Variants in ATP10A observed in about 807,000 individuals in gnomAD.
ATP10A encodes the protein phospholipid-transporting ATPase VA.
A neutral mutation model predicts 147.8 loss-of-function variants in ATP10A; 111 were observed. The observed-to-expected ratio is 0.75, with a 90% CI of 0.64 to 0.88. ATP10A has a LOEUF of 0.88. Ranked by LOEUF, ATP10A falls within the 40% of genes least tolerant of loss-of-function variation. ATP10A has a pLI of 0.00. For missense variants in ATP10A, 1,927 were observed against 1,959.0 expected (o/e 0.98, Z 0.31); for synonymous variants, 875 against 841.6 (o/e 1.04, Z -0.69).
intron 2 of ATP10A, among the ~76,000 whole-genome samples, chr15:25,765,641 C>G (rs1031393170): frequency 1.3e-5 from 2 of 152,232 alleles, no homozygotes; most frequent in Admixed American, 6.5e-5. Context: ...GGGCTGGAAG[C>G]TCCCAGCCCT....
In ATP10A at chr15:25,862,937, C is replaced by A; in HGVS notation, c.160G>T (p.Gly54Trp). ...AAKGERRRRR[G>W]CAQHLADNRL... ...TTGTCGGCCAGGTGCTGGGCACACC[C>A]GCGCCGCCGTCGCCGCTCGCCCTTG... Residue 54 changes from glycine to tryptophan, a missense_variant, in exon 1 of 21, where the codon GGG becomes TGG. Transcript: ENST00000555815. The A allele has an allele frequency of 6.3e-7, 1 of 1,580,648 alleles. No homozygotes were observed.
At chr15:25,816,885 A>G (rs1046890681) in intron 1 of ATP10A, among the ~76,000 whole-genome samples, 3 of 152,176 alleles carry the variant, frequency 2.0e-5, no homozygotes, top group Non-Finnish European at 4.4e-5. Flanking sequence ...TAAAAATCCA[A>G]TTGTAAAACA....
intron 10 of ATP10A, among the ~76,000 whole-genome samples, chr15:25,712,186 G>A (rs1901469142): frequency 6.6e-6 from 1 of 152,242 alleles, no homozygotes; most frequent in African/African-American, 2.4e-5. Context: ...GGGGGGGACG[G>A]GGTGGAGTGT....
chr15:25,825,466 T>A (rs1056096500), intron 1 of ATP10A, among the ~76,000 whole-genome samples: 4 of 152,074 alleles, frequency 2.6e-5, no homozygotes, highest in Non-Finnish European at 4.4e-5. Context: ...TTGGCAGACA[T>A]GAGGTTCTGC....
intron 14 of ATP10A, among the ~76,000 whole-genome samples, chr15:25,693,391 C>A (rs1012783133): frequency 6.6e-5 from 10 of 152,174 alleles, no homozygotes; most frequent in African/African-American, 2.4e-4. Context: ...GTTTCCTTTT[C>A]TTTTTAATCT....
intron 2 of ATP10A, among the ~76,000 whole-genome samples, chr15:25,769,248 A>G (rs971946855): frequency 6.6e-6 from 1 of 152,054 alleles, no homozygotes; most frequent in African/African-American, 2.4e-5. Context: ...GCACTTTGGG[A>G]GGCTGAGGCG....
At chr15:25,791,577 G>T (rs1295356741) in intron 1 of ATP10A, among the ~76,000 whole-genome samples, 1 of 151,808 alleles carries the variant, frequency 6.6e-6, no homozygotes, top group Non-Finnish European at 1.5e-5. Flanking sequence ...TGTAGAGACG[G>T]AGTCTTGCTA....
At chr15:25,735,919 G>C (rs1887239546) in intron 3 of ATP10A, 137 bp downstream of exon 3, 1 of 780,288 alleles carries the variant, frequency 1.3e-6, no homozygotes, top group Non-Finnish European at 2.2e-6. Context: ...AGGCTCAGGT[G>C]CTGGGCCACA....
rs535912026 is a variant in ATP10A at position 25,779,930 on chromosome 15, TCAGGCAGACGCCTGCCG to T, written c.654+1072_654+1088del. Among the ~76,000 whole-genome samples, 31 of 148,982 alleles carry T rather than the reference TCAGGCAGACGCCTGCCG, an allele frequency of 2.1e-4. No individual in the cohort carries two copies. The East Asian group carries it at 6.2e-3, about 30-fold the overall frequency. ...GCGGAAATCAGCCCGGTTGGAACAG[TCAGGCAGACGCCTGCCG>T]CAGGCAGGCCGGGCGGGCGAGGTGC... On this transcript the variant is annotated intron_variant, in intron 2 of 20. Transcript: ENST00000555815.
At position 25,716,907 on chromosome 15, in the gene ATP10A, G is replaced by T. The variant is rs116705123; in HGVS notation, c.1599C>A (p.Pro533=). Residue 533 remains proline (P), a synonymous_variant, in exon 9 of 21, where the codon CCC becomes CCA. Transcript: ENST00000555815. The part of the protein sequence containing the change: ...FSSPMEKDIT[P]DPKLLEKVSE... Reference sequence around the variant, plus strand: ...TCACCTTCTCCAGCAGCTTTGGGTCGGGCGTGATATCCTTCTCCTGGGAGA... The same window carrying T: ...TCACCTTCTCCAGCAGCTTTGGGTCTGGCGTGATATCCTTCTCCTGGGAGA... 5 of 1,584,624 alleles carry T rather than the reference G, an allele frequency of 3.2e-6. No individual in the cohort carries two copies. Among genetic ancestry groups the T allele is most frequent in the Non-Finnish European group, 8.6e-7 (1 of 1,163,242 alleles).
At chr15:25,772,540 C>T (rs1046380427) in intron 2 of ATP10A, among the ~76,000 whole-genome samples, 1 of 152,148 alleles carries the variant, frequency 6.6e-6, no homozygotes. Flanking sequence ...TGATAAAGGC[C>T]GGATGAGCAA....
chr15:25,810,149 G>A (rs1417268663), intron 1 of ATP10A, among the ~76,000 whole-genome samples: 7 of 152,192 alleles, frequency 4.6e-5, no homozygotes, highest in African/African-American at 1.7e-4. Context: ...CAGTGGGGAC[G>A]TGTTGGGGAG....
chr15:25,738,207 T>C (rs569932095), intron 2 of ATP10A, among the ~76,000 whole-genome samples: 1 of 152,324 alleles, frequency 6.6e-6, no homozygotes, highest in Non-Finnish European at 1.5e-5. Context: ...TACCCCTGAC[T>C]CATTCCAAAC....
intron 2 of ATP10A, among the ~76,000 whole-genome samples, chr15:25,775,056 C>T (rs1314211577): frequency 6.6e-6 from 1 of 152,200 alleles, no homozygotes; most frequent in African/African-American, 2.4e-5. Flanking sequence ...CATACCCAGG[C>T]AGCTGTCTTT....
intron 13 of ATP10A, among the ~76,000 whole-genome samples, chr15:25,700,756 T>G (rs1263439995): frequency 6.6e-6 from 1 of 152,120 alleles, no homozygotes; most frequent in Non-Finnish European, 1.5e-5. Flanking sequence ...GATAGGGTGG[T>G]GTATATACAT....
At chr15:25,786,742 C>T (rs1176583379) in intron 1 of ATP10A, among the ~76,000 whole-genome samples, 1 of 149,718 alleles carries the variant, frequency 6.7e-6, no homozygotes, top group Non-Finnish European at 1.5e-5. Context: ...TCTCCTGCCT[C>T]AGCCTTCCGA....
intron 1 of ATP10A, among the ~76,000 whole-genome samples, chr15:25,789,610 AT>A (rs1481573443): frequency 1.7e-5 from 2 of 120,756 alleles, no homozygotes; most frequent in African/African-American, 6.8e-5. Context: ...CAGAGAGAAA[AT>A]AATTTTACAT....
rs776112786 is a variant in ATP10A, at chr15:25,708,052, G to C, written c.2499C>G (p.Ala833=). ...CCTCGCTGTTTTCCAGGGAGGATTC[G>C]GCTTCTAGGTGGCTTTGCAACCAGC... The part of the protein sequence containing the change: ...YACWLQSHLE[A]ESSLENSEEL... Residue 833 remains alanine, a synonymous_variant, in exon 12 of 21, where the codon GCC becomes GCG. Coordinates refer to ENST00000555815, the MANE Select transcript of ATP10A (RefSeq NM_024490.4). 3 of 1,614,144 alleles carry C rather than the reference G, an allele frequency of 1.9e-6. No homozygotes were observed. Among genetic ancestry groups the C allele is most frequent in the Admixed American group, 3.3e-5 (2 of 60,030 alleles).
At chr15:25,776,079 G>C (rs956141605) in intron 2 of ATP10A, among the ~76,000 whole-genome samples, 1 of 152,216 alleles carries the variant, frequency 6.6e-6, no homozygotes, top group Non-Finnish European at 1.5e-5. Context: ...TGCTCAGTAC[G>C]TATCTGCTGA....
Sources: allele counts gnomAD v4.1 joint callset (sites outside exome capture counted in the v4.1 genomes callset), GRCh38; gene constraint gnomAD v4.1.1; transcripts MANE v1.5; gene names NCBI Gene and HGNC (gene_info 2026-07-23, HGNC 2026-07-21).